ZC3H12B: variants seen among roughly 807,000 people sequenced by gnomAD.
The protein encoded by ZC3H12B is probable ribonuclease ZC3H12B.
Under a neutral mutation model 43.9 loss-of-function variants are expected in ZC3H12B, and 7 were observed. The observed-to-expected ratio is 0.16, with a 90% CI of 0.09 to 0.30. ZC3H12B has a LOEUF of 0.30. ZC3H12B is among the 10% of genes least tolerant of loss of function. ZC3H12B has a pLI of 1.00. For missense variants in ZC3H12B, 475 were observed against 670.2 expected (o/e 0.71, Z 3.22); for synonymous variants, 222 against 241.7 (o/e 0.92, Z 0.76).
chrX:65,343,462 CA>C, the ZC3H12B span, among the ~76,000 whole-genome samples: 1 of 111,451 alleles, frequency 9.0e-6, no homozygotes, highest in African/African-American at 3.3e-5. Flanking sequence ...AGCAGGACAT[CA>C]AAAAGCTTAT....
the ZC3H12B span, among the ~76,000 whole-genome samples, chrX:65,309,609 A>C: frequency 8.9e-6 from 1 of 112,058 alleles, no homozygotes; most frequent in Admixed American, 9.5e-5. Flanking sequence ...CTTCCAATCA[A>C]TAGAAAAAGA....
the ZC3H12B span, among the ~76,000 whole-genome samples, chrX:65,266,399 C>A: frequency 8.9e-6 from 1 of 111,832 alleles, no homozygotes; most frequent in Non-Finnish European, 1.9e-5. Flanking sequence ...TAAAACAAAC[C>A]TAGAAGGGGC....
At chrX:65,079,263 C>T in the ZC3H12B span, among the ~76,000 whole-genome samples, 1 of 112,958 alleles carries the variant, frequency 8.9e-6, no homozygotes, top group Non-Finnish European at 1.9e-5. Context: ...ACCAGGATGG[C>T]ACCTCTGGAC....
the ZC3H12B span, among the ~76,000 whole-genome samples, chrX:65,087,160 C>T: frequency 0.013 from 1,411 of 110,715 alleles, 12 homozygotes; most frequent in Middle Eastern, 0.032. Context: ...ATCATGGATG[C>T]CCTTCTCACC....
chrX:65,320,927 C>G, the ZC3H12B span, among the ~76,000 whole-genome samples: 2 of 112,052 alleles, frequency 1.8e-5, no homozygotes, highest in African/African-American at 3.2e-5. Flanking sequence ...AAATGTAAAA[C>G]CAAAAACTAT....
chrX:65,087,200 C>T, the ZC3H12B span, among the ~76,000 whole-genome samples: 2 of 111,074 alleles, frequency 1.8e-5, no homozygotes, highest in South Asian at 7.6e-4. Context: ...CCAGGATGCC[C>T]TCTAGGTGAA....
chrX:65,053,696 A>G, the ZC3H12B span, among the ~76,000 whole-genome samples: 5 of 111,431 alleles, frequency 4.5e-5, no homozygotes, highest in Admixed American at 9.5e-5. Flanking sequence ...GACTTCCACA[A>G]TGGTTGAACT....
At chrX:65,150,766 C>T in the ZC3H12B span, among the ~76,000 whole-genome samples, 3 of 111,438 alleles carry the variant, frequency 2.7e-5, no homozygotes, top group Non-Finnish European at 5.6e-5. Flanking sequence ...TCTTATCTTC[C>T]TACTTCCCCT....
chrX:65,062,675 A>G, the ZC3H12B span, among the ~76,000 whole-genome samples: 1 of 111,926 alleles, frequency 8.9e-6, no homozygotes, highest in Non-Finnish European at 1.9e-5. Context: ...AATTTAAAGT[A>G]GTTTTTGTAA....
At chrX:65,248,230 G>T in the ZC3H12B span, among the ~76,000 whole-genome samples, 1 of 110,729 alleles carries the variant, frequency 9.0e-6, no homozygotes. Flanking sequence ...TAGTGATGGG[G>T]TTTGGCCATG....
intron 4 of ZC3H12B, 136 bp downstream of exon 9, chrX:65,500,125 T>C (rs1175030553): frequency 4.0e-6 from 2 of 501,707 alleles, no homozygotes; most frequent in East Asian, 6.7e-5. Context: ...AGTTTGTGTC[T>C]TCGTGTACAC....
At chrX:65,264,543 T>A in the ZC3H12B span, among the ~76,000 whole-genome samples, 3 of 112,097 alleles carry the variant, frequency 2.7e-5, no homozygotes, top group African/African-American at 6.5e-5. Flanking sequence ...GATAAAAAAA[T>A]TATTTTAAAT....
chrX:65,350,966 A>T, the ZC3H12B span, among the ~76,000 whole-genome samples: 1 of 112,081 alleles, frequency 8.9e-6, no homozygotes, highest in Non-Finnish European at 1.9e-5. Context: ...TTGGAAAAAA[A>T]TACTACTTTA....
At chrX:65,437,548 T>C (rs1170817237) in intron 3 of ZC3H12B, among the ~76,000 whole-genome samples, 3 of 112,518 alleles carry the variant, frequency 2.7e-5, no homozygotes, top group African/African-American at 9.7e-5. Context: ...TGTCTTCTTT[T>C]AAGAAATGTC....
At chrX:65,297,403 CAAAAT>C in the ZC3H12B span, among the ~76,000 whole-genome samples, 7 of 110,238 alleles carry the variant, frequency 6.3e-5, no homozygotes, top group African/African-American at 2.3e-4. Context: ...ACAATAGCTG[CAAAAT>C]AAAATAAAAT....
the ZC3H12B span, among the ~76,000 whole-genome samples, chrX:65,309,737 G>A: frequency 2.7e-5 from 3 of 112,049 alleles, no homozygotes; most frequent in South Asian, 1.1e-3. Flanking sequence ...TGATGTGAAA[G>A]TGAAAATCCT....
chrX:65,250,639 T>C, the ZC3H12B span, among the ~76,000 whole-genome samples: 1 of 112,051 alleles, frequency 8.9e-6, no homozygotes, highest in Non-Finnish European at 1.9e-5. Flanking sequence ...CTAACTGGCA[T>C]GAGATGGTAT....
chrX:65,072,265 A>G, the ZC3H12B span, among the ~76,000 whole-genome samples: 1 of 112,272 alleles, frequency 8.9e-6, no homozygotes, highest in African/African-American at 3.2e-5. Flanking sequence ...TGATTGCATT[A>G]TGAAATTCTT....
chrX:65,047,258 A>C, the ZC3H12B span, among the ~76,000 whole-genome samples: 1 of 111,507 alleles, frequency 9.0e-6, no homozygotes, highest in East Asian at 2.8e-4. Context: ...CCTGCATATT[A>C]TTTTTGAAAT....
Sources: allele counts gnomAD v4.1 joint callset (sites outside exome capture counted in the v4.1 genomes callset), GRCh38; gene constraint gnomAD v4.1.1; transcripts MANE v1.5; gene names NCBI Gene and HGNC (gene_info 2026-07-23, HGNC 2026-07-21).